Variants in LARS2 observed in about 807,000 individuals in gnomAD.
The protein encoded by LARS2 is leucine--tRNA ligase, mitochondrial.
In LARS2, 81 loss-of-function variants were observed where a neutral mutation model predicts 116.6. The observed-to-expected ratio is 0.69, with a 90% CI of 0.58 to 0.84. The LOEUF is 0.84. Among genes scored for constraint, LARS2 ranks in the 40% least tolerant of loss-of-function variants. The probability of loss-of-function intolerance (pLI) is 0.00; values close to 1 mark genes in which losing one functional copy is unlikely to be tolerated. For missense variants in LARS2, 968 were observed against 1,114.5 expected (o/e 0.87, Z 1.87); for synonymous variants, 396 against 407.2 (o/e 0.97, Z 0.33).
Position 45,446,882 on chromosome 3 carries a change from T to C in LARS2, c.517-9T>C. The C allele has an allele frequency of 6.3e-7, 1 of 1,575,166 alleles. No homozygotes were observed. On this transcript the variant is annotated splice_polypyrimidine_tract_variant and intron_variant, in intron 6 of 21. Transcript: ENST00000645846. ...TGGCCTGTACATTATTTTTCTTCTT[T>C]GTTGGCAGGAAATAACTACGTGTTT... is the stretch of plus-strand genomic sequence containing the variant.
chr3:45,476,175 G>A (rs1699605521), intron 9 of LARS2, among the ~76,000 whole-genome samples: 1 of 151,780 alleles, frequency 6.6e-6, no homozygotes, highest in South Asian at 2.1e-4. Flanking sequence ...AAACAAAGGA[G>A]CCAGAAAAAC....
chr3:45,389,924 G>A (rs1248936955), intron 1 of LARS2, among the ~76,000 whole-genome samples: 1 of 152,174 alleles, frequency 6.6e-6, no homozygotes. Context: ...TGAACCCTAG[G>A]AAGTTGTGTA....
chr3:45,519,042 A>G lies in LARS2; in HGVS notation c.2214+970A>G, dbSNP rs376880772. 2.4e-3 allele frequency among the ~76,000 whole-genome samples: 368 copies of G among 152,356 alleles called. 12 individuals carry two copies. In the South Asian group the frequency reaches 0.07, roughly 29 times the overall value. ...GGCAAATTCTTCTATTCTGTCAGAT[A>G]AAAGAATTAGGTTATTTCAACAAGT... is the stretch of plus-strand genomic sequence containing the variant. On this transcript the variant is annotated intron_variant, in intron 18 of 21. Coordinates refer to ENST00000645846, the MANE Select transcript of LARS2 (RefSeq NM_015340.4).
chr3:45,451,366 G>A (rs115663321), intron 7 of LARS2, among the ~76,000 whole-genome samples: 199 of 151,540 alleles, frequency 1.3e-3, no homozygotes, highest in African/African-American at 4.6e-3. Context: ...AATCTATTTT[G>A]AGTTTTTTTT....
intron 10 of LARS2, among the ~76,000 whole-genome samples, chr3:45,484,603 CAAAAAAAAAAAAAAA>C (rs1156814528): frequency 6.8e-5 from 1 of 14,730 alleles, no homozygotes; most frequent in East Asian, 3.8e-3. Context: ...CCTGTCTCTA[CAAAAAAAAAAAAAAA>C]AAAAAAAAAA....
chr3:45,418,743 G>A (rs1399300665), intron 5 of LARS2, among the ~76,000 whole-genome samples: 2 of 152,254 alleles, frequency 1.3e-5, no homozygotes, highest in Non-Finnish European at 2.9e-5. Context: ...AGGTTTGCCA[G>A]CCTCTCTACT....
intron 7 of LARS2, among the ~76,000 whole-genome samples, chr3:45,455,477 C>T (rs545017967): frequency 6.6e-6 from 1 of 152,196 alleles, no homozygotes; most frequent in East Asian, 1.9e-4. Flanking sequence ...CTAAGCAGTA[C>T]TTGGTCCTTT....
chr3:45,388,641 A>T lies in LARS2; in HGVS notation c.-127A>T, dbSNP rs1329839956. ...GGCAGTGCTCGCCTAAAGGTGGAGA[A>T]CGAGGAGTAGAGGAGCCGCAGGCCA... On this transcript the variant is annotated 5_prime_UTR_variant, in exon 1 of 22. Transcript: ENST00000645846. 1 of 152,226 alleles carries T rather than the reference A, an allele frequency of 6.6e-6. No homozygotes were observed. Among genetic ancestry groups the T allele is most frequent in the East Asian group, 1.9e-4 (1 of 5,182 alleles). The allele number at this position is 152,226 out of a possible 1,614,324, so 9.4% of individuals were successfully genotyped here.
intron 3 of LARS2, 40 bp downstream of exon 3, chr3:45,394,727 G>C (rs773791700): frequency 1.4e-6 from 2 of 1,468,810 alleles, no homozygotes; most frequent in Non-Finnish European, 1.9e-6. Flanking sequence ...AGAGAAGAGG[G>C]GTTGAAGGTT....
chr3:45,452,573 G>C (rs964214022), intron 7 of LARS2, among the ~76,000 whole-genome samples: 4 of 152,004 alleles, frequency 2.6e-5, no homozygotes, highest in African/African-American at 9.7e-5. Flanking sequence ...TTAATGTGTT[G>C]TTGAATTCTG....
At chr3:45,444,339 T>A (rs1698976467) in intron 6 of LARS2, among the ~76,000 whole-genome samples, 1 of 98,586 alleles carries the variant, frequency 1.0e-5, no homozygotes, top group Non-Finnish European at 2.1e-5. Context: ...TAAAAGTGAT[T>A]TTCAGAACCA....
chr3:45,540,825 AC>A (rs1369235052), intron 20 of LARS2, among the ~76,000 whole-genome samples: 1 of 151,846 alleles, frequency 6.6e-6, no homozygotes, highest in Non-Finnish European at 1.5e-5. Context: ...TTGCTCTGTC[AC>A]CCAGATTGGA....
intron 2 of LARS2, among the ~76,000 whole-genome samples, chr3:45,391,860 G>A (rs1183811891): frequency 2.0e-5 from 3 of 152,200 alleles, no homozygotes; most frequent in Non-Finnish European, 1.5e-5. Context: ...TATTCTTGTT[G>A]TGTAGACAGA....
chr3:45,406,477 T>C (rs1698233633), intron 4 of LARS2, among the ~76,000 whole-genome samples: 1 of 152,016 alleles, frequency 6.6e-6, no homozygotes, highest in Admixed American at 6.6e-5. Context: ...ATACATCCCA[T>C]TGAAATGAGA....
Position 45,524,104 on chromosome 3 carries a change from G to A in LARS2, c.2400G>A (p.Trp800Ter), listed in dbSNP as rs1444786572. Residue 800 changes from tryptophan to a stop codon, truncating the protein, a stop_gained, in exon 20 of 22, where the codon TGG becomes TGA. Coordinates refer to ENST00000645846, the MANE Select transcript of LARS2 (RefSeq NM_015340.4). LOFTEE classifies it high-confidence loss of function. The stretch of plus-strand genomic sequence containing the variant: ...CCCCTCATGTAACCTCAGAGATCTG[G>A]GCAGGTACGTGGCAGAGTCCTTTTT... Reference protein sequence around the residue: ...PLAPHVTSEIWAGLALVPRKL... With the variant: ...PLAPHVTSEI 1 of 1,604,036 alleles carries A rather than the reference G, an allele frequency of 6.2e-7. No homozygotes were observed. Among genetic ancestry groups the A allele is most frequent in the Non-Finnish European group, 8.5e-7 (1 of 1,170,848 alleles).
intron 7 of LARS2, among the ~76,000 whole-genome samples, chr3:45,453,358 T>G (rs763822780): frequency 2.0e-5 from 3 of 152,174 alleles, no homozygotes; most frequent in Non-Finnish European, 4.4e-5. Context: ...TAGCCTTGGA[T>G]GGTGGATATA....
intron 20 of LARS2, among the ~76,000 whole-genome samples, chr3:45,540,173 C>T (rs376093812): frequency 4.6e-5 from 7 of 152,074 alleles, no homozygotes; most frequent in Admixed American, 3.9e-4. Flanking sequence ...GCAGGAGAAT[C>T]GCTTGAACCT....
intron 4 of LARS2, among the ~76,000 whole-genome samples, chr3:45,411,775 G>C (rs1361055319): frequency 6.6e-6 from 1 of 152,074 alleles, no homozygotes; most frequent in African/African-American, 2.4e-5. Context: ...AGTTTACCTA[G>C]ATTATTTTGT....
chr3:45,392,157 C>T (rs143676850), intron 2 of LARS2, among the ~76,000 whole-genome samples: 1 of 152,178 alleles, frequency 6.6e-6, no homozygotes, highest in African/African-American at 2.4e-5. Context: ...ATGCAATTGC[C>T]TTAAGTGTAC....
Sources: gnomAD v4.1 joint callset for allele counts (sites outside exome capture counted in the v4.1 genomes callset) on GRCh38, gnomAD v4.1.1 for gene constraint, MANE v1.5 for transcripts, NCBI Gene and HGNC (gene_info 2026-07-23, HGNC 2026-07-21) for gene names.